Variants in ITPK1 observed in about 807,000 individuals in gnomAD.
ITPK1 encodes inositol-tetrakisphosphate 1-kinase.
Under a neutral mutation model 45.3 loss-of-function variants are expected in ITPK1, and 21 were observed. The observed-to-expected ratio is 0.46, with a 90% CI of 0.33 to 0.67. The LOEUF is 0.67. Among genes scored for constraint, ITPK1 ranks in the 30% least tolerant of loss-of-function variants. ITPK1 has a pLI of 0.02. For synonymous variants in ITPK1, 258 were observed against 253.6 expected, an observed-to-expected ratio of 1.02 and a Z score of -0.16; for missense variants, 474 against 573.5, an observed-to-expected ratio of 0.83 and a Z score of 1.77.
intron 5 of ITPK1, among the ~76,000 whole-genome samples, chr14:92,965,675 TATG>T (rs770967113): frequency 9.8e-5 from 15 of 152,368 alleles, no homozygotes; most frequent in Admixed American, 4.6e-4. Context: ...AAGATCAATA[TATG>T]ATAAGCAACT....
intron 3 of ITPK1, chr14:93,071,892 CAGA>C (rs1372664158): frequency 6.6e-6 from 1 of 152,014 alleles, no homozygotes; most frequent in African/African-American, 2.4e-5. Flanking sequence ...AAAGCTCTGT[CAGA>C]AGTTTTCTCC....
rs2139688345 is a variant in ITPK1 at position 92,941,064 on chromosome 14, C to G, written c.*497G>C. On this transcript the variant is annotated 3_prime_UTR_variant, in exon 11 of 11. Transcript: ENST00000267615. The stretch of plus-strand genomic sequence containing the variant: ...GGGCTAACAAAGCCTTGGTGGAGAC[C>G]AGTAGGAGGAAAAACAAGGAAGGGG... 8.3e-7 allele frequency: 1 copy of G among 1,203,480 alleles called. No individual in the cohort carries two copies. The highest frequency in any genetic ancestry group is 3.3e-5 in the Admixed American group (1 of 30,388). The allele number at this position is 1,203,480 out of a possible 1,614,324, so 74.6% of individuals were successfully genotyped here.
rs927827341 is a variant in ITPK1, at chr14:92,958,604, T to A, written c.505-238A>T. On this transcript the variant is annotated intron_variant, in intron 7 of 10. Transcript: ENST00000267615. This position sits in a 1 kb window ranked among gnomAD's most constrained non-coding sequence, Gnocchi z 4.4. Reference sequence around the variant, plus strand: ...GATCCTCCCTTCACCGGGCCTGCCATGTGAGATCGAGCTGGCTGTGCACTG... The same window carrying A: ...GATCCTCCCTTCACCGGGCCTGCCAAGTGAGATCGAGCTGGCTGTGCACTG... Among the ~76,000 whole-genome samples, 1 of 152,144 alleles carries A rather than the reference T, an allele frequency of 6.6e-6. No homozygotes were observed. Among genetic ancestry groups the A allele is most frequent in the Non-Finnish European group, 1.5e-5 (1 of 68,018 alleles).
At chr14:93,046,161 C>G (rs768905986) in intron 3 of ITPK1, among the ~76,000 whole-genome samples, 2 of 152,228 alleles carry the variant, frequency 1.3e-5, no homozygotes, top group African/African-American at 4.8e-5. Flanking sequence ...GCATCTTGAC[C>G]TCATCGCCCA....
intron 5 of ITPK1, among the ~76,000 whole-genome samples, chr14:92,982,010 A>G (rs1339455429): frequency 6.6e-6 from 1 of 152,230 alleles, no homozygotes; most frequent in Non-Finnish European, 1.5e-5. Context: ...TGCAGTGTGG[A>G]GTGCAGGGGC....
In ITPK1 at chr14:92,962,379, C is replaced by G. The variant is rs774037199; in HGVS notation, c.480G>C (p.Val160=). Residue 160 remains valine, a synonymous_variant, in exon 7 of 11, where the codon GTG becomes GTC. Transcript: ENST00000267615. ...CCTCGTGAGAGTTGGTGCCATGAGC[C>G]ACTCTGGTTTTGCAAACTATGGGTT... ...LTFPFICKTR[V]AHGTNSHEMA... The G allele has an allele frequency of 6.2e-7, 1 of 1,611,216 alleles. No homozygotes were observed. The highest frequency in any genetic ancestry group is 8.5e-7 in the Non-Finnish European group (1 of 1,177,362).
chr14:93,088,337 T>C (rs1891729597), intron 2 of ITPK1, among the ~76,000 whole-genome samples: 1 of 84,614 alleles, frequency 1.2e-5, no homozygotes, highest in Non-Finnish European at 2.3e-5. Flanking sequence ...TTTGGTTTTG[T>C]TTTGTTTTTT....
At chr14:93,060,362 G>C (rs1890466237) in intron 3 of ITPK1, among the ~76,000 whole-genome samples, 1 of 152,138 alleles carries the variant, frequency 6.6e-6, no homozygotes, top group Non-Finnish European at 1.5e-5. Context: ...ATATGAAGAG[G>C]AACACGTTCT....
At chr14:93,086,342 T>C (rs1010111303) in intron 2 of ITPK1, among the ~76,000 whole-genome samples, 1 of 152,240 alleles carries the variant, frequency 6.6e-6, no homozygotes, top group Non-Finnish European at 1.5e-5. Flanking sequence ...CAAATTCTGC[T>C]GCCAACACTC....
At chr14:93,078,718 C>A (rs1000348652) in intron 2 of ITPK1, among the ~76,000 whole-genome samples, 2 of 152,298 alleles carry the variant, frequency 1.3e-5, no homozygotes, top group South Asian at 2.1e-4. Context: ...CACCCGCTCA[C>A]AACCTGCACC....
At chr14:93,101,815 G>A (rs1358236252) in intron 2 of ITPK1, among the ~76,000 whole-genome samples, 2 of 152,138 alleles carry the variant, frequency 1.3e-5, no homozygotes, top group Non-Finnish European at 2.9e-5. Context: ...GCGGCACTGT[G>A]CAAACTGATG....
At position 92,940,786 on chromosome 14, in the gene ITPK1, C is replaced by T. The variant is rs1482108163; in HGVS notation, c.*775G>A. 1 of 1,288,498 alleles carries T rather than the reference C, an allele frequency of 7.8e-7. No individual in the cohort carries two copies. Among genetic ancestry groups the T allele is most frequent in the Non-Finnish European group, 1.0e-6 (1 of 988,442 alleles). The allele number at this position is 1,288,498 out of a possible 1,614,324, so 79.8% of individuals were successfully genotyped here. A position where few individuals can be genotyped will look rare whatever the true frequency, so the allele number is the denominator to read the frequency against. On this transcript the variant is annotated 3_prime_UTR_variant, in exon 11 of 11. Coordinates refer to ENST00000267615, the MANE Select transcript of ITPK1 (RefSeq NM_014216.6). ...CAGCACAAATCCTCAGCACAGGCGC[C>T]ATCGGCTCGGGCCTCCAGCCAGGCA...
chr14:93,073,030 G>A (rs367633061), intron 3 of ITPK1, among the ~76,000 whole-genome samples: 34 of 152,232 alleles, frequency 2.2e-4, no homozygotes, highest in Non-Finnish European at 3.7e-4. Context: ...TATGCCCTGA[G>A]GTCTCACACT....
At chr14:92,965,413 T>C (rs1885291281) in intron 5 of ITPK1, among the ~76,000 whole-genome samples, 1 of 152,170 alleles carries the variant, frequency 6.6e-6, no homozygotes, top group Admixed American at 6.5e-5. Context: ...ACTAGACACT[T>C]CCCCTAAGAC....
At chr14:93,083,102 T>C (rs1158452561) in intron 2 of ITPK1, among the ~76,000 whole-genome samples, 1 of 152,034 alleles carries the variant, frequency 6.6e-6, no homozygotes, top group East Asian at 1.9e-4. Flanking sequence ...ACAATAAAGA[T>C]GATCAGGGCA....
rs1316095008 is a variant in ITPK1 at position 93,082,732 on chromosome 14, G to A, written c.96-6113C>T. 3.3e-5 allele frequency among the ~76,000 whole-genome samples: 5 copies of A among 152,362 alleles called. No individual in the cohort carries two copies. In the East Asian group the frequency reaches 5.8e-4, roughly 18 times the overall value. On this transcript the variant is annotated intron_variant, in intron 2 of 10. Coordinates refer to ENST00000267615, the MANE Select transcript of ITPK1 (RefSeq NM_014216.6). ...ATGGGAGCAGGACCCAAGCCAAGCC[G>A]GTCCTGGTCCTTTACCGGACGGGTC... is the stretch of plus-strand genomic sequence containing the variant.
At chr14:92,995,296 C>A (rs1196931614) in intron 4 of ITPK1, among the ~76,000 whole-genome samples, 1 of 152,216 alleles carries the variant, frequency 6.6e-6, no homozygotes, top group African/African-American at 2.4e-5. Flanking sequence ...CACTCCACAG[C>A]CCGTCAGTGA....
intron 9 of ITPK1, among the ~76,000 whole-genome samples, chr14:92,947,645 G>A (rs1351429984): frequency 6.6e-6 from 1 of 152,224 alleles, no homozygotes; most frequent in Non-Finnish European, 1.5e-5. Context: ...CCGGCTGGGA[G>A]GAGATTCATC....
chr14:92,940,536 C>T lies in ITPK1; in HGVS notation c.*1025G>A. The T allele has an allele frequency of 1.7e-6, 2 of 1,171,400 alleles. No individual in the cohort carries two copies. The highest frequency in any genetic ancestry group is 1.6e-5 in the South Asian group (1 of 62,504). 72.6% of individuals were successfully genotyped at this position (1,171,400 alleles called of 1,614,324 possible). A position where few individuals can be genotyped will look rare whatever the true frequency, so the allele number is the denominator to read the frequency against. On this transcript the variant is annotated 3_prime_UTR_variant, in exon 11 of 11. Coordinates refer to ENST00000267615, the MANE Select transcript of ITPK1 (RefSeq NM_014216.6). ...CAGGCCTGCTGGGTGAGGAGGGACC[C>T]AGCAGGTGTGAAAAGGAGTGAACCC...
Sources: allele counts gnomAD v4.1 joint callset (sites outside exome capture counted in the v4.1 genomes callset), GRCh38; gene constraint gnomAD v4.1.1; non-coding constraint Gnocchi (gnomAD v3.1); transcripts MANE v1.5; gene names NCBI Gene and HGNC (gene_info 2026-07-23, HGNC 2026-07-21).